The following PKD1L1 variants were observed in gnomAD, a reference collection of about 807,000 sequenced individuals.
PKD1L1 encodes polycystin-1-like protein 1.
Under a neutral mutation model 323.4 loss-of-function variants are expected in PKD1L1, and 236 were observed. That is an observed-to-expected ratio of 0.73 (90% CI 0.66 to 0.81). The LOEUF is 0.81. Ranked by LOEUF, PKD1L1 falls within the 40% of genes least tolerant of loss-of-function variation. The probability of loss-of-function intolerance (pLI) is 0.00; values close to 1 mark genes in which losing one functional copy is unlikely to be tolerated. For synonymous variants in PKD1L1, 1,344 were observed against 1,335.0 expected (o/e 1.01, Z -0.15); for missense variants, 3,320 against 3,508.0 (o/e 0.95, Z 1.35).
chr7:47,887,734 A>G (rs1349215098), intron 17 of PKD1L1, among the ~76,000 whole-genome samples: 2 of 152,120 alleles, frequency 1.3e-5, no homozygotes, highest in Non-Finnish European at 2.9e-5. Flanking sequence ...CTGCCTACAC[A>G]GGTGTTGGGC....
chr7:47,886,317 G>A (rs564485973), intron 17 of PKD1L1, among the ~76,000 whole-genome samples: 23 of 151,796 alleles, frequency 1.5e-4, no homozygotes, highest in African/African-American at 5.3e-4. Context: ...TTCCAAGTCG[G>A]GGGGGAGGGA....
chr7:47,790,029 C>T (rs551818768), intron 56 of PKD1L1, among the ~76,000 whole-genome samples: 1 of 152,080 alleles, frequency 6.6e-6, no homozygotes, highest in East Asian at 1.9e-4. Flanking sequence ...GCTGGGACTA[C>T]AGCCGCGTGC....
rs183725918 is a variant in PKD1L1 at position 47,864,871 on chromosome 7, G to A, written c.4149+345C>T. Among the ~76,000 whole-genome samples the A allele has an allele frequency of 2.7e-3, 411 of 151,970 alleles. 2 individuals carry two copies. The highest frequency in any genetic ancestry group is 9.4e-3 in the African/African-American group (389 of 41,412). On this transcript the variant is annotated intron_variant, in intron 26 of 56. Transcript: ENST00000289672. ...TCCTCCTGAGTAGCTGGGATTACAG[G>A]TGCGCGCCACCATGCCCGGCTAATT...
Position 47,930,976 on chromosome 7 carries a change from T to G in PKD1L1, c.737+128A>C, listed in dbSNP as rs113050535. On this transcript the variant is annotated intron_variant, in intron 6 of 56. Transcript: ENST00000289672. Reference sequence around the variant, plus strand: ...TACAGCATTGTAACTTGAAAGTCACTGGACTCAACTGCAACTATAATTAAA... The same window carrying G: ...TACAGCATTGTAACTTGAAAGTCACGGGACTCAACTGCAACTATAATTAAA... 2,006 of 974,950 alleles carry G rather than the reference T, an allele frequency of 2.1e-3. 31 individuals carry two copies. In the African/African-American group the frequency reaches 0.029, roughly 14 times the overall value. The allele number at this position is 974,950 out of a possible 1,614,324, so 60.4% of individuals were successfully genotyped here.
In PKD1L1 at chr7:47,885,875, T is replaced by C; in HGVS notation, c.3016A>G (p.Arg1006Gly). Reference protein sequence around the residue: ...TLGQPATSAPRGTPTEPMTGV... With the variant: ...TLGQPATSAPGGTPTEPMTGV... ...GTCATGGGCTCTGTGGGGGTTCCCC[T>C]TGGAGCTGAAGTGGCAGGTTGGCCA... Residue 1006 changes from arginine (R) to glycine (G), a missense_variant, in exon 18 of 57, where the codon AGG becomes GGG. Arg to Gly is a moderately radical substitution (Grantham distance 125, BLOSUM62 -2). Coordinates refer to ENST00000289672, the MANE Select transcript of PKD1L1 (RefSeq NM_138295.5). 1 of 1,614,134 alleles carries C rather than the reference T, an allele frequency of 6.2e-7. No homozygotes were observed. The highest frequency in any genetic ancestry group is 8.5e-7 in the Non-Finnish European group (1 of 1,180,014).
chr7:47,952,486 A>G (rs1788218203), upstream of PKD1L1, among the ~76,000 whole-genome samples: 1 of 152,222 alleles, frequency 6.6e-6, no homozygotes, highest in Non-Finnish European at 1.5e-5. Context: ...TGCCTCCATT[A>G]GCATCTTGGG....
chr7:47,829,970 C>T, intron 43 of PKD1L1, 70 bp downstream of exon 43: 1 of 1,418,650 alleles, frequency 7.0e-7, no homozygotes, highest in Non-Finnish European at 9.9e-7. Flanking sequence ...AAAATGAAGC[C>T]TCTATTTCCC....
intron 56 of PKD1L1, among the ~76,000 whole-genome samples, chr7:47,778,047 G>C (rs949723182): frequency 6.6e-5 from 10 of 152,312 alleles, no homozygotes; most frequent in South Asian, 2.1e-4. Context: ...ATTTAGCATA[G>C]CACAAATTTT....
At chr7:47,940,695 G>A (rs948565101) in intron 2 of PKD1L1, among the ~76,000 whole-genome samples, 9 of 152,190 alleles carry the variant, frequency 5.9e-5, no homozygotes, top group Non-Finnish European at 8.8e-5. Flanking sequence ...GAGTGGTTGG[G>A]GAGCTGTTGG....
At chr7:47,952,551 C>T (rs917217163), upstream of PKD1L1, among the ~76,000 whole-genome samples, 7 of 152,192 alleles carry the variant, frequency 4.6e-5, no homozygotes, top group Non-Finnish European at 7.3e-5. Context: ...CCCAGAAGAG[C>T]TCTGGGGCCT....
rs891736250 is a variant in PKD1L1, at chr7:47,839,132, A to T, written c.5769+314T>A. Among the ~76,000 whole-genome samples the T allele has an allele frequency of 5.3e-5, 8 of 152,162 alleles. No homozygotes were observed. In the South Asian group the frequency reaches 6.2e-4, roughly 12 times the overall value. On this transcript the variant is annotated intron_variant, in intron 36 of 56. Coordinates refer to ENST00000289672, the MANE Select transcript of PKD1L1 (RefSeq NM_138295.5). This position sits in a 1 kb window ranked among gnomAD's most constrained non-coding sequence, Gnocchi z 4.3. ...AGGTTGTTTGGGACACACATAGGGC[A>T]CTGAAAAGTCTTTAATTACAGGGCT... is the stretch of plus-strand genomic sequence containing the variant.
At chr7:47,810,375 G>C (rs1170768813) in intron 50 of PKD1L1, among the ~76,000 whole-genome samples, 2 of 152,216 alleles carry the variant, frequency 1.3e-5, no homozygotes, top group Non-Finnish European at 2.9e-5. Flanking sequence ...TGTCCAATAT[G>C]ATTTTTTGAT....
intron 54 of PKD1L1, among the ~76,000 whole-genome samples, chr7:47,797,253 A>G (rs943232141): frequency 2.0e-5 from 3 of 151,994 alleles, no homozygotes; most frequent in African/African-American, 7.2e-5. Flanking sequence ...TCCTTTTTGG[A>G]TGGTTCTTGG....
At chr7:47,938,766 C>G (rs188825167) in intron 3 of PKD1L1, among the ~76,000 whole-genome samples, 31 of 152,288 alleles carry the variant, frequency 2.0e-4, no homozygotes, top group Admixed American at 1.9e-3. Flanking sequence ...ATGCCCAAAG[C>G]TGAGGTCCCA....
At chr7:47,938,949 G>C (rs779606930) in intron 3 of PKD1L1, among the ~76,000 whole-genome samples, 2 of 152,212 alleles carry the variant, frequency 1.3e-5, no homozygotes, top group African/African-American at 2.4e-5. Flanking sequence ...TCTGCACCAA[G>C]TGTTCAAGAA....
chr7:47,932,681 T>G (rs1787795638), intron 4 of PKD1L1, among the ~76,000 whole-genome samples: 1 of 152,128 alleles, frequency 6.6e-6, no homozygotes, highest in Non-Finnish European at 1.5e-5. Context: ...GCAGGTTCCT[T>G]TCTCGGCGGC....
intron 26 of PKD1L1, among the ~76,000 whole-genome samples, chr7:47,864,761 C>T (rs1208261535): frequency 1.4e-5 from 2 of 147,478 alleles, no homozygotes; most frequent in Non-Finnish European, 3.0e-5. Context: ...CTCTGTTGCC[C>T]AGGCTGGAGT....
rs1429921563 is a variant in PKD1L1, at chr7:47,834,267, G to C, written c.6174+72C>G. 3 of 1,472,186 alleles carry C rather than the reference G, an allele frequency of 2.0e-6. No individual in the cohort carries two copies. The African/African-American group carries it at 4.2e-5, about 21-fold the overall frequency. The allele number at this position is 1,472,186 out of a possible 1,614,324, so 91.2% of individuals were successfully genotyped here. ...CCATGGCCAGACCATAGCCAAGGGA[G>C]GATGCCAGAGAAATCTAATTGTTTG... On this transcript the variant is annotated intron_variant, in intron 40 of 56. Transcript: ENST00000289672.
At chr7:47,818,220 AT>A in intron 46 of PKD1L1, 1 of 1,347,042 alleles carries the variant, frequency 7.4e-7, no homozygotes, top group Non-Finnish European at 9.9e-7. Context: ...CTCTGCAAAT[AT>A]TCACGCCAAA....
Sources: gnomAD v4.1 joint callset for allele counts (sites outside exome capture counted in the v4.1 genomes callset) on GRCh38, gnomAD v4.1.1 for gene constraint, Gnocchi (gnomAD v3.1) non-coding constraint, MANE v1.5 for transcripts, NCBI Gene and HGNC (gene_info 2026-07-23, HGNC 2026-07-21) for gene names.